Variants in CHODL observed in about 807,000 individuals in gnomAD.
CHODL encodes the protein chondrolectin.
Under a neutral mutation model 34.5 loss-of-function variants are expected in CHODL, and 29 were observed. That is an observed-to-expected ratio of 0.84 (90% CI 0.63 to 1.15). The LOEUF is 1.15. Ranked by LOEUF, CHODL falls within the 50% of genes most tolerant of loss-of-function variation. CHODL has a pLI of 0.00. For missense variants in CHODL, 332 were observed against 332.5 expected (o/e 1.00, Z 0.01); for synonymous variants, 125 against 116.1 (o/e 1.08, Z -0.49).
chr21:17,921,162 A>G (rs1456540505), intron 1 of CHODL, among the ~76,000 whole-genome samples: 1 of 152,212 alleles, frequency 6.6e-6, no homozygotes, highest in African/African-American at 2.4e-5. Flanking sequence ...TGCAGTGTGA[A>G]CTGGCAGGCA....
chr21:18,005,431 A>C (rs993316435), intron 1 of CHODL, among the ~76,000 whole-genome samples: 2 of 152,232 alleles, frequency 1.3e-5, no homozygotes, highest in Non-Finnish European at 1.5e-5. Flanking sequence ...TTCAAAAGCA[A>C]TTTTTAATCA....
intron 2 of CHODL, among the ~76,000 whole-genome samples, chr21:18,074,573 A>T (rs1186758133): frequency 6.6e-6 from 1 of 152,130 alleles, no homozygotes; most frequent in African/African-American, 2.4e-5. Flanking sequence ...TTTTCGCTTG[A>T]CTAATTGATT....
intron 5 of CHODL, 100 bp from the exon 6 acceptor site, chr21:18,265,854 C>A: frequency 1.1e-6 from 1 of 899,292 alleles, no homozygotes; most frequent in Non-Finnish European, 1.7e-6. Flanking sequence ...GAGGGGGAGT[C>A]TTTCATAAAT....
chr21:18,261,932 A>G (rs561581329), intron 4 of CHODL, among the ~76,000 whole-genome samples: 8 of 152,086 alleles, frequency 5.3e-5, no homozygotes, highest in Non-Finnish European at 1.0e-4. Flanking sequence ...TATATATTTC[A>G]TTTTAATCCC....
intron 2 of CHODL, among the ~76,000 whole-genome samples, chr21:18,088,495 C>G (rs575946108): frequency 6.6e-6 from 1 of 152,168 alleles, no homozygotes; most frequent in African/African-American, 2.4e-5. Context: ...TTAGGCAACA[C>G]CATGTGTCAG....
chr21:18,103,111 C>A (rs1255245178), intron 2 of CHODL, among the ~76,000 whole-genome samples: 1 of 151,950 alleles, frequency 6.6e-6, no homozygotes, highest in African/African-American at 2.4e-5. Context: ...GTTGAGATAC[C>A]ATTTCATTTG....
At chr21:18,106,672 T>C (rs2065277464) in intron 2 of CHODL, among the ~76,000 whole-genome samples, 1 of 151,982 alleles carries the variant, frequency 6.6e-6, no homozygotes, top group Non-Finnish European at 1.5e-5. Flanking sequence ...TTTTTTCTAT[T>C]TTTATGTAGA....
chr21:17,964,946 A>G (rs2063560340), intron 1 of CHODL, among the ~76,000 whole-genome samples: 1 of 152,228 alleles, frequency 6.6e-6, no homozygotes, highest in Admixed American at 6.5e-5. Flanking sequence ...AGACAAATAA[A>G]ATAGAAGCCA....
intron 4 of CHODL, among the ~76,000 whole-genome samples, chr21:18,260,563 A>G (rs1263201934): frequency 6.6e-6 from 1 of 152,184 alleles, no homozygotes; most frequent in African/African-American, 2.4e-5. Flanking sequence ...CTGTAATCCC[A>G]AGAATTTGGG....
rs139235193 is a variant in CHODL at position 17,933,648 on chromosome 21, G to A, written c.-145+16248G>A. On this transcript the variant is annotated intron_variant, in intron 1 of 6. Coordinates refer to the CHODL transcript ENST00000400127. ...TCCTATGTCTACTTCTTTCTACACA[G>A]ACACAGTAACAATCCGATCTCTCTT... Among the ~76,000 whole-genome samples, 14 of 146,150 alleles carry A rather than the reference G, an allele frequency of 9.6e-5. No individual in the cohort carries two copies. In the East Asian group the frequency reaches 2.3e-3, roughly 24 times the overall value.
At chr21:17,990,194 A>G (rs1372768552) in intron 1 of CHODL, among the ~76,000 whole-genome samples, 2 of 152,024 alleles carry the variant, frequency 1.3e-5, no homozygotes, top group African/African-American at 2.4e-5. Context: ...ATATAAAAAC[A>G]TTATAATATA....
intron 2 of CHODL, among the ~76,000 whole-genome samples, chr21:18,237,336 G>C (rs2074037881): frequency 6.6e-6 from 1 of 152,072 alleles, no homozygotes. Context: ...TATAGCGAAA[G>C]TAAGGGCTAC....
chr21:18,023,800 T>C lies in CHODL; in HGVS notation c.-144-4072T>C, dbSNP rs76270804. Among the ~76,000 whole-genome samples the C allele has an allele frequency of 9.8e-4, 149 of 152,310 alleles. 3 individuals carry two copies. The East Asian group carries it at 0.023, about 24-fold the overall frequency. On this transcript the variant is annotated intron_variant, in intron 1 of 6. Coordinates refer to the CHODL transcript ENST00000400127. ...TTTTACATTCCACCTCTCTTTCTCATACAGAAAATGTGAGGATCAATAAAA... is the reference window on the plus strand; with the variant it reads ...TTTTACATTCCACCTCTCTTTCTCACACAGAAAATGTGAGGATCAATAAAA...
chr21:18,084,149 G>A (rs1343713954), intron 2 of CHODL, among the ~76,000 whole-genome samples: 2 of 152,188 alleles, frequency 1.3e-5, no homozygotes, highest in African/African-American at 4.8e-5. Flanking sequence ...TTATTTGAAA[G>A]TGTGTGGCAC....
At chr21:18,066,555 A>G (rs1396420297) in intron 2 of CHODL, among the ~76,000 whole-genome samples, 1 of 152,142 alleles carries the variant, frequency 6.6e-6, no homozygotes, top group Non-Finnish European at 1.5e-5. Context: ...GTAGGGAGAA[A>G]AGGAAACAAA....
chr21:18,253,847 T>G (rs2074285807), intron 1 of CHODL, among the ~76,000 whole-genome samples: 1 of 152,200 alleles, frequency 6.6e-6, no homozygotes. Context: ...GATTTTTTAG[T>G]GTGTTGCTGC....
intron 2 of CHODL, among the ~76,000 whole-genome samples, chr21:18,136,813 TATATATAA>T (rs1196975918): frequency 6.7e-6 from 1 of 148,798 alleles, no homozygotes; most frequent in Non-Finnish European, 1.5e-5. Context: ...TATATCCATA[TATATATAA>T]ATATATAAAT....
chr21:18,047,845 T>C (rs868626598), intron 2 of CHODL, among the ~76,000 whole-genome samples: 1 of 151,986 alleles, frequency 6.6e-6, no homozygotes, highest in Non-Finnish European at 1.5e-5. Context: ...AGATATTGAC[T>C]ATGAGAAAAA....
chr21:18,201,098 T>C (rs67168161), intron 2 of CHODL, among the ~76,000 whole-genome samples: 2 of 152,072 alleles, frequency 1.3e-5, no homozygotes, highest in Non-Finnish European at 2.9e-5. Flanking sequence ...AAAAAATAGG[T>C]AATATTTAAT....
Sources: allele counts gnomAD v4.1 joint callset (sites outside exome capture counted in the v4.1 genomes callset), GRCh38; gene constraint gnomAD v4.1.1; transcripts MANE v1.5; gene names NCBI Gene and HGNC (gene_info 2026-07-23, HGNC 2026-07-21).